Variants in TMEM132B observed in about 807,000 individuals in gnomAD.
The protein encoded by TMEM132B is transmembrane protein 132B.
TMEM132B carries 18 observed loss-of-function variants against 90.8 expected under a neutral mutation model. The ratio of observed to expected loss-of-function variants is 0.20; its 90% CI spans 0.14 to 0.29. The LOEUF is 0.29. Among genes scored for constraint, TMEM132B ranks in the 10% least tolerant of loss-of-function variants. The pLI is 1.00. For missense variants in TMEM132B, 1,096 were observed against 1,326.8 expected, an observed-to-expected ratio of 0.83 and a Z score of 2.70; for synonymous variants, 504 against 523.3, an observed-to-expected ratio of 0.96 and a Z score of 0.50.
intron 1 of TMEM132B, among the ~76,000 whole-genome samples, chr12:125,255,863 G>A (rs1167955193): frequency 6.6e-6 from 1 of 152,170 alleles, no homozygotes; most frequent in Non-Finnish European, 1.5e-5. Flanking sequence ...CTGTCACAGC[G>A]ACTGATTGTG....
At position 125,655,864 on chromosome 12, in the gene TMEM132B, A is replaced by G. The variant is rs1333761679; in HGVS notation, c.*1154A>G. Reference sequence around the variant, plus strand: ...ATAGAAATCCATCCATACAATGACCAAAATAAATAAATAAATAAAACTCAA... The same window carrying G: ...ATAGAAATCCATCCATACAATGACCGAAATAAATAAATAAATAAAACTCAA... On this transcript the variant is annotated 3_prime_UTR_variant, in exon 9 of 9. Coordinates refer to ENST00000682704, the MANE Select transcript of TMEM132B (RefSeq NM_001366854.1). 6.6e-6 allele frequency: 1 copy of G among 152,186 alleles called. No individual in the cohort carries two copies. Among genetic ancestry groups the G allele is most frequent in the East Asian group, 1.9e-4 (1 of 5,196 alleles). The allele number at this position is 152,186 out of a possible 1,614,324, so 9.4% of individuals were successfully genotyped here.
intron 1 of TMEM132B, chr12:125,301,658 C>G (rs1875826751): frequency 6.6e-6 from 1 of 151,838 alleles, no homozygotes; most frequent in African/African-American, 2.4e-5. Context: ...GCAGGTGGAT[C>G]ACGAGGTCAG....
rs1165901315 is a variant in TMEM132B at position 125,415,204 on chromosome 12, T to G, written c.960-327T>G. ...GAAGAATAGGCCTTGCAGATCCATC[T>G]CTTCTGGCCCGAGGCATCTGTCTCA... On this transcript the variant is annotated intron_variant, in intron 2 of 8. Coordinates refer to ENST00000682704, the MANE Select transcript of TMEM132B (RefSeq NM_001366854.1). The surrounding 1 kb of genome is among the most constrained non-coding windows in gnomAD (Gnocchi z 5.3). Among the ~76,000 whole-genome samples the G allele has an allele frequency of 6.6e-6, 1 of 152,138 alleles. No homozygotes were observed. The highest frequency in any genetic ancestry group is 1.5e-5 in the Non-Finnish European group (1 of 68,016).
At chr12:125,583,488 A>G (rs1176523232) in intron 4 of TMEM132B, among the ~76,000 whole-genome samples, 1 of 152,176 alleles carries the variant, frequency 6.6e-6, no homozygotes, top group African/African-American at 2.4e-5. Flanking sequence ...CACTTCCCAA[A>G]TGATCCTTGA....
chr12:125,437,309 A>G (rs1477675665), intron 3 of TMEM132B, among the ~76,000 whole-genome samples: 1 of 152,198 alleles, frequency 6.6e-6, no homozygotes, highest in Non-Finnish European at 1.5e-5. Flanking sequence ...CATGACTTCA[A>G]CACAAGGCAG....
chr12:125,315,023 C>A (rs1284146340), intron 1 of TMEM132B, among the ~76,000 whole-genome samples: 1 of 152,096 alleles, frequency 6.6e-6, no homozygotes, highest in Non-Finnish European at 1.5e-5. Context: ...TTTTTCTTTC[C>A]TATGTGATCT....
intron 5 of TMEM132B, among the ~76,000 whole-genome samples, chr12:125,612,574 A>C (rs1032067592): frequency 6.9e-6 from 1 of 145,136 alleles, no homozygotes; most frequent in Non-Finnish European, 1.5e-5. Flanking sequence ...TAATATATAT[A>C]AAATATATAT....
At chr12:125,564,093 A>T (rs1884606214) in intron 4 of TMEM132B, among the ~76,000 whole-genome samples, 1 of 152,242 alleles carries the variant, frequency 6.6e-6, no homozygotes, top group African/African-American at 2.4e-5. Flanking sequence ...AAGAAAGGGT[A>T]CGGCTAGATT....
intron 1 of TMEM132B, among the ~76,000 whole-genome samples, chr12:125,254,172 C>A (rs892494807): frequency 6.6e-6 from 1 of 151,982 alleles, no homozygotes; most frequent in East Asian, 1.9e-4. Flanking sequence ...GTCTGTGGTC[C>A]CAGCTATTCA....
chr12:125,599,650 TC>T, intron 5 of TMEM132B, among the ~76,000 whole-genome samples: 1 of 152,118 alleles, frequency 6.6e-6, no homozygotes, highest in East Asian at 1.9e-4. Context: ...GCTTGGGAAA[TC>T]AATGAAGCAA....
chr12:125,623,671 C>T (rs1396557566), intron 5 of TMEM132B, among the ~76,000 whole-genome samples: 1 of 152,128 alleles, frequency 6.6e-6, no homozygotes, highest in African/African-American at 2.4e-5. Flanking sequence ...ACTGTGCAAA[C>T]CCTACTGTCC....
intron 4 of TMEM132B, among the ~76,000 whole-genome samples, chr12:125,581,714 ATT>A (rs35702958): frequency 6.8e-6 from 1 of 146,814 alleles, no homozygotes; most frequent in South Asian, 2.1e-4. Context: ...ACCTGTACTG[ATT>A]TTTTTTTTTT....
intron 1 of TMEM132B, among the ~76,000 whole-genome samples, chr12:125,303,358 A>G (rs1264644973): frequency 6.6e-6 from 1 of 152,118 alleles, no homozygotes; most frequent in East Asian, 1.9e-4. Context: ...CATTGTGTGG[A>G]TAGATCACAT....
intron 4 of TMEM132B, among the ~76,000 whole-genome samples, chr12:125,550,679 CTAAGAG>C (rs1046527398): frequency 6.6e-6 from 1 of 152,200 alleles, no homozygotes; most frequent in African/African-American, 2.4e-5. Flanking sequence ...TTAAGTGTAT[CTAAGAG>C]TAACAGCACA....
intron 3 of TMEM132B, among the ~76,000 whole-genome samples, chr12:125,434,142 G>T (rs1163474744): frequency 1.3e-5 from 2 of 152,236 alleles, no homozygotes; most frequent in East Asian, 3.9e-4. Context: ...ACCTTTTCCC[G>T]CTTGCAGGGG....
At chr12:125,431,419 C>G (rs1163167741) in intron 3 of TMEM132B, among the ~76,000 whole-genome samples, 1 of 152,036 alleles carries the variant, frequency 6.6e-6, no homozygotes, top group East Asian at 1.9e-4. Flanking sequence ...GGAAAGACAC[C>G]AGCCCCCTGG....
intron 2 of TMEM132B, among the ~76,000 whole-genome samples, chr12:125,393,423 C>T (rs545854543): frequency 6.3e-4 from 95 of 151,982 alleles, no homozygotes; most frequent in African/African-American, 1.8e-3. Context: ...CAAATAGAGA[C>T]GCAATACAAG....
intron 3 of TMEM132B, among the ~76,000 whole-genome samples, chr12:125,437,923 A>T (rs779538502): frequency 4.0e-4 from 61 of 152,156 alleles, no homozygotes; most frequent in Non-Finnish European, 7.6e-4. Flanking sequence ...AATGCCGTTG[A>T]CTTGCTTGCT....
intron 2 of TMEM132B, among the ~76,000 whole-genome samples, chr12:125,370,237 AGGTATTGGTTT>A (rs1878252409): frequency 6.6e-6 from 1 of 152,200 alleles, no homozygotes; most frequent in South Asian, 2.1e-4. Context: ...GTCCACAGGT[AGGTATTGGTTT>A]GGTGGATCAA....
Sources: gnomAD v4.1 joint callset for allele counts (sites outside exome capture counted in the v4.1 genomes callset) on GRCh38, gnomAD v4.1.1 for gene constraint, Gnocchi (gnomAD v3.1) non-coding constraint, MANE v1.5 for transcripts, NCBI Gene and HGNC (gene_info 2026-07-23, HGNC 2026-07-21) for gene names.